Variants in CNTN4 observed in about 807,000 individuals in gnomAD.
CNTN4 encodes the protein contactin 4, also known as contactin-4.
Under a neutral mutation model 122.5 loss-of-function variants are expected in CNTN4, and 77 were observed. The ratio of observed to expected loss-of-function variants is 0.63; its 90% CI spans 0.52 to 0.76. The LOEUF (loss-of-function observed/expected upper bound fraction) is 0.76. Among genes scored for constraint, CNTN4 ranks in the 30% least tolerant of loss-of-function variants. The pLI is 0.00. For missense variants in CNTN4, 1,256 were observed against 1,259.1 expected, an observed-to-expected ratio of 1.00 and a Z score of 0.04; for synonymous variants, 512 against 447.0, an observed-to-expected ratio of 1.15 and a Z score of -1.83.
At chr3:2,784,562 A>G (rs979891086) in intron 6 of CNTN4, among the ~76,000 whole-genome samples, 8 of 152,218 alleles carry the variant, frequency 5.3e-5, no homozygotes, top group African/African-American at 1.9e-4. Context: ...ACTGCACTCT[A>G]AGGAAAGAAA....
At chr3:2,939,861 C>T (rs2094597834) in intron 13 of CNTN4, among the ~76,000 whole-genome samples, 1 of 152,222 alleles carries the variant, frequency 6.6e-6, no homozygotes, top group South Asian at 2.1e-4. Context: ...GTGGATTCTG[C>T]ACATCCATTC....
chr3:3,008,272 G>A (rs1194625602), intron 14 of CNTN4, among the ~76,000 whole-genome samples: 1 of 152,116 alleles, frequency 6.6e-6, no homozygotes, highest in Admixed American at 6.5e-5. Context: ...TGGAGATAGA[G>A]CAAGTCAAGC....
At chr3:2,943,758 G>A (rs2094642573) in intron 13 of CNTN4, among the ~76,000 whole-genome samples, 1 of 151,334 alleles carries the variant, frequency 6.6e-6, no homozygotes, top group East Asian at 1.9e-4. Flanking sequence ...CCAGTAGCTG[G>A]GATTACAGGC....
chr3:2,750,346 T>G (rs1201585641), intron 6 of CNTN4, among the ~76,000 whole-genome samples: 1 of 152,250 alleles, frequency 6.6e-6, no homozygotes, highest in Non-Finnish European at 1.5e-5. Context: ...TTTCTATTGA[T>G]TATTAAAAAT....
chr3:2,240,212 A>G (rs1437654644), intron 2 of CNTN4, among the ~76,000 whole-genome samples: 3 of 152,204 alleles, frequency 2.0e-5, no homozygotes, highest in African/African-American at 7.2e-5. Flanking sequence ...TTAAAAAACT[A>G]AATTATTTTC....
At chr3:2,524,207 G>C (rs572749145) in intron 3 of CNTN4, among the ~76,000 whole-genome samples, 75 of 152,108 alleles carry the variant, frequency 4.9e-4, no homozygotes, top group African/African-American at 1.6e-3. Flanking sequence ...GCCTCGTCTG[G>C]ATGTTTTATA....
intron 4 of CNTN4, among the ~76,000 whole-genome samples, chr3:2,633,518 A>G (rs2150056424): frequency 6.6e-6 from 1 of 152,330 alleles, no homozygotes; most frequent in South Asian, 2.1e-4. Flanking sequence ...TTATACAGAA[A>G]GTCAAGCTTG....
chr3:2,924,451 A>G (rs1307750747), intron 12 of CNTN4, among the ~76,000 whole-genome samples: 1 of 152,224 alleles, frequency 6.6e-6, no homozygotes, highest in Non-Finnish European at 1.5e-5. Flanking sequence ...AGGCTTTTAA[A>G]ATATGATAAA....
At chr3:2,813,659 T>C (rs2092665110) in intron 6 of CNTN4, among the ~76,000 whole-genome samples, 1 of 152,198 alleles carries the variant, frequency 6.6e-6, no homozygotes, top group South Asian at 2.1e-4. Context: ...CCATTAATTA[T>C]GACCTAAATA....
intron 6 of CNTN4, among the ~76,000 whole-genome samples, chr3:2,784,182 G>T (rs1414473888): frequency 1.3e-5 from 2 of 152,102 alleles, no homozygotes; most frequent in Non-Finnish European, 2.9e-5. Flanking sequence ...AACGTGTGTG[G>T]GGACCGGGTA....
At chr3:2,594,477 G>A (rs1359667697) in intron 4 of CNTN4, among the ~76,000 whole-genome samples, 1 of 149,360 alleles carries the variant, frequency 6.7e-6, no homozygotes, top group Non-Finnish European at 1.5e-5. Context: ...GTAGTGCAGT[G>A]GCACGATCTC....
At chr3:2,128,077 C>T (rs999312252) in intron 2 of CNTN4, among the ~76,000 whole-genome samples, 3 of 152,178 alleles carry the variant, frequency 2.0e-5, no homozygotes, top group Non-Finnish European at 2.9e-5. Context: ...AAGAAAGTGA[C>T]ATGTTACTAC....
rs184745878 is a variant in CNTN4 at position 2,259,451 on chromosome 3, A to G, written c.-144-79727A>G. The stretch of plus-strand genomic sequence containing the variant: ...ACAGCCAAAAGTCTATAGCTGGTGC[A>G]TTAGTCCGTTTTCACGCTGCTGATA... On this transcript the variant is annotated intron_variant, in intron 2 of 24. Coordinates refer to ENST00000418658, the MANE Select transcript of CNTN4 (RefSeq NM_175607.3). Among the ~76,000 whole-genome samples, 338 of 152,342 alleles carry G rather than the reference A, an allele frequency of 2.2e-3. 2 individuals are homozygous for G. Among genetic ancestry groups the G allele is most frequent in the African/African-American group, 7.8e-3 (323 of 41,584 alleles).
chr3:2,675,394 C>G (rs1251746198), intron 4 of CNTN4, among the ~76,000 whole-genome samples: 1 of 152,188 alleles, frequency 6.6e-6, no homozygotes. Context: ...AAGTTCTCAC[C>G]TAAATGCCAC....
At chr3:2,486,208 C>A (rs1304428318) in intron 3 of CNTN4, among the ~76,000 whole-genome samples, 1 of 152,112 alleles carries the variant, frequency 6.6e-6, no homozygotes, top group African/African-American at 2.4e-5. Flanking sequence ...CAGGAACCCA[C>A]CAGAAGGAAG....
chr3:2,636,655 C>G (rs1056663998), intron 4 of CNTN4, among the ~76,000 whole-genome samples: 12 of 152,014 alleles, frequency 7.9e-5, no homozygotes, highest in African/African-American at 2.7e-4. Flanking sequence ...ACAGTGAAGT[C>G]CAAATAAGCT....
intron 3 of CNTN4, among the ~76,000 whole-genome samples, chr3:2,506,515 T>C (rs1261456168): frequency 6.6e-6 from 1 of 152,212 alleles, no homozygotes; most frequent in Non-Finnish European, 1.5e-5. Flanking sequence ...ATAATTTAAA[T>C]TGATGGTGAG....
At chr3:2,918,907 A>G (rs2094397937) in intron 12 of CNTN4, among the ~76,000 whole-genome samples, 1 of 152,300 alleles carries the variant, frequency 6.6e-6, no homozygotes, top group East Asian at 1.9e-4. Context: ...TGAGACGGGA[A>G]TTTCCTGTTT....
At chr3:2,696,679 T>C (rs1421219893) in intron 4 of CNTN4, among the ~76,000 whole-genome samples, 1 of 152,210 alleles carries the variant, frequency 6.6e-6, no homozygotes. Flanking sequence ...TGAGACAGTA[T>C]AGTTATAAAT....
Sources: allele counts gnomAD v4.1 joint callset (sites outside exome capture counted in the v4.1 genomes callset), GRCh38; gene constraint gnomAD v4.1.1; transcripts MANE v1.5; gene names NCBI Gene and HGNC (gene_info 2026-07-23, HGNC 2026-07-21).